JAKMIP2: variants seen among roughly 807,000 people sequenced by gnomAD.
JAKMIP2 encodes janus kinase and microtubule-interacting protein 2.
A neutral mutation model predicts 115.0 loss-of-function variants in JAKMIP2; 25 were observed. The observed-to-expected ratio is 0.22, with a 90% CI of 0.16 to 0.30. JAKMIP2 has a LOEUF of 0.30. Among genes scored for constraint, JAKMIP2 ranks in the 10% least tolerant of loss-of-function variants. The probability of loss-of-function intolerance (pLI) is 1.00; values close to 1 mark genes in which losing one functional copy is unlikely to be tolerated. For missense variants in JAKMIP2, 642 were observed against 957.6 expected, an observed-to-expected ratio of 0.67 and a Z score of 4.35; for synonymous variants, 334 against 343.6, an observed-to-expected ratio of 0.97 and a Z score of 0.31.
chr5:147,681,257 G>T (rs1451348235), intron 1 of JAKMIP2, among the ~76,000 whole-genome samples: 1 of 152,166 alleles, frequency 6.6e-6, no homozygotes, highest in Non-Finnish European at 1.5e-5. Flanking sequence ...TGCCAGGAAG[G>T]CTTGGTAGAA....
At position 147,755,408 on chromosome 5, in the gene JAKMIP2, C is replaced by G. The variant is rs1459218455; in HGVS notation, c.-149+27048G>C. On this transcript the variant is annotated intron_variant, in intron 1 of 21. Transcript: ENST00000616793. ...CCCAACTACTTTGGGCGCACTTCAT[C>G]AGGACCTCCTGAGGCTGTGTCACGG... 5.3e-5 allele frequency among the ~76,000 whole-genome samples: 8 copies of G among 152,158 alleles called. 1 individual carries two copies. The highest frequency in any genetic ancestry group is 1.4e-4 in the African/African-American group (6 of 41,428).
intron 18 of JAKMIP2, 49 bp from the exon 19 acceptor site, chr5:147,618,163 T>C (rs1349877417): frequency 5.5e-6 from 6 of 1,089,732 alleles, no homozygotes; most frequent in African/African-American, 3.1e-5. Context: ...GGCATTGATA[T>C]CTGGTGTGGG....
intron 1 of JAKMIP2, among the ~76,000 whole-genome samples, chr5:147,740,174 G>A (rs1319080049): frequency 4.1e-4 from 62 of 152,178 alleles, no homozygotes; most frequent in Non-Finnish European, 5.9e-5. Context: ...ATGCCACCAG[G>A]AGTGCTTGTT....
At chr5:147,603,919 C>T (rs1194676012) in intron 20 of JAKMIP2, among the ~76,000 whole-genome samples, 2 of 151,966 alleles carry the variant, frequency 1.3e-5, no homozygotes, top group Non-Finnish European at 2.9e-5. Context: ...GTTTTCTCCC[C>T]TTTTTGTTTT....
intron 21 of JAKMIP2, among the ~76,000 whole-genome samples, chr5:147,599,497 T>C (rs1755583474): frequency 6.6e-6 from 1 of 152,222 alleles, no homozygotes; most frequent in South Asian, 2.1e-4. Context: ...TTATTAATTA[T>C]CATTATAGTC....
intron 1 of JAKMIP2, among the ~76,000 whole-genome samples, chr5:147,718,684 G>A (rs945796650): frequency 2.3e-4 from 35 of 152,072 alleles, no homozygotes; most frequent in South Asian, 2.1e-4. Context: ...CTGTGGGATC[G>A]GTCGTGATAT....
intron 1 of JAKMIP2, among the ~76,000 whole-genome samples, chr5:147,771,889 C>A (rs568923884): frequency 7.9e-5 from 12 of 152,184 alleles, no homozygotes; most frequent in South Asian, 6.2e-4. Context: ...ATTGCTGCTG[C>A]TGATAATAAT....
intron 20 of JAKMIP2, among the ~76,000 whole-genome samples, chr5:147,609,609 T>A (rs1756207593): frequency 6.6e-6 from 1 of 152,182 alleles, no homozygotes; most frequent in Non-Finnish European, 1.5e-5. Context: ...TGCTTAACAT[T>A]TTTTTCCTTC....
At chr5:147,675,591 A>C (rs1046187261) in intron 1 of JAKMIP2, among the ~76,000 whole-genome samples, 2 of 152,046 alleles carry the variant, frequency 1.3e-5, no homozygotes, top group African/African-American at 4.8e-5. Flanking sequence ...CATAAACAGC[A>C]TCACAATCAA....
In JAKMIP2 at chr5:147,641,674, T is replaced by G. The variant is rs367789104; in HGVS notation, c.1281+34A>C. 8.7e-6 allele frequency: 13 copies of G among 1,501,258 alleles called. No individual in the cohort carries two copies. In the African/African-American group the frequency reaches 1.5e-4, roughly 17 times the overall value. 93.0% of individuals were successfully genotyped at this position (1,501,258 alleles called of 1,614,324 possible). The stretch of plus-strand genomic sequence containing the variant: ...CAAGCCTCATCTCTCTGGCTGTTTG[T>G]GGCAAATGCCTGATAACTTTGATTT... On this transcript the variant is annotated intron_variant, in intron 8 of 21. Transcript: ENST00000616793.
chr5:147,747,127 G>A (rs1754375702), intron 1 of JAKMIP2, among the ~76,000 whole-genome samples: 1 of 152,078 alleles, frequency 6.6e-6, no homozygotes, highest in Non-Finnish European at 1.5e-5. Flanking sequence ...AATGAGTCAT[G>A]AGGAGCTTTT....
intron 1 of JAKMIP2, among the ~76,000 whole-genome samples, chr5:147,778,208 C>G (rs964544894): frequency 6.6e-6 from 1 of 152,102 alleles, no homozygotes; most frequent in Non-Finnish European, 1.5e-5. Context: ...TTCACCCAAA[C>G]AAATGCTTCT....
At chr5:147,665,330 C>G (rs909909910) in intron 2 of JAKMIP2, among the ~76,000 whole-genome samples, 1 of 152,156 alleles carries the variant, frequency 6.6e-6, no homozygotes, top group African/African-American at 2.4e-5. Flanking sequence ...TTTGCTGATT[C>G]TTATTCTAGA....
At chr5:147,732,885 A>C (rs1319012142) in intron 1 of JAKMIP2, among the ~76,000 whole-genome samples, 1 of 152,242 alleles carries the variant, frequency 6.6e-6, no homozygotes, top group Non-Finnish European at 1.5e-5. Context: ...TGAAATATCT[A>C]ACACCATTCT....
At chr5:147,781,100 C>A (rs919314410) in intron 1 of JAKMIP2, among the ~76,000 whole-genome samples, 9 of 152,128 alleles carry the variant, frequency 5.9e-5, no homozygotes, top group Admixed American at 2.0e-4. Flanking sequence ...TTACAATAGA[C>A]CCCCATTTCA....
chr5:147,715,484 T>C (rs887440737), intron 1 of JAKMIP2, among the ~76,000 whole-genome samples: 6 of 151,082 alleles, frequency 4.0e-5, no homozygotes, highest in Admixed American at 4.0e-4. Context: ...TGTTACTATA[T>C]TATATATAAC....
intron 1 of JAKMIP2, among the ~76,000 whole-genome samples, chr5:147,779,482 C>T (rs1446229911): frequency 2.6e-5 from 4 of 151,872 alleles, no homozygotes; most frequent in East Asian, 1.9e-4. Context: ...TTAAATAACA[C>T]AGTACATTTT....
In JAKMIP2 at chr5:147,764,930, G is replaced by A. The variant is rs1246352645; in HGVS notation, c.-149+17526C>T. Among the ~76,000 whole-genome samples, 107 of 88,912 alleles carry A rather than the reference G, an allele frequency of 1.2e-3. 3 individuals carry two copies. Among genetic ancestry groups the A allele is most frequent in the African/African-American group, 2.8e-3 (45 of 15,860 alleles). 58.3% of individuals were successfully genotyped at this position (88,912 alleles called of 152,430 possible). ...AGAAAGAAAGAAAGAAAGAGAGAGA[G>A]AGAGAGAGAGAGAGAGGGAGAGAGA... On this transcript the variant is annotated intron_variant, in intron 1 of 21. Coordinates refer to ENST00000616793, the MANE Select transcript of JAKMIP2 (RefSeq NM_001270941.2).
chr5:147,655,792 T>C (rs1427430761), intron 3 of JAKMIP2, among the ~76,000 whole-genome samples: 3 of 152,178 alleles, frequency 2.0e-5, no homozygotes, highest in Non-Finnish European at 1.5e-5. Context: ...TGTTAGGGTG[T>C]TGATTTTAGA....
Sources: gnomAD v4.1 joint callset for allele counts (sites outside exome capture counted in the v4.1 genomes callset) on GRCh38, gnomAD v4.1.1 for gene constraint, MANE v1.5 for transcripts, NCBI Gene and HGNC (gene_info 2026-07-23, HGNC 2026-07-21) for gene names.